Variants in NRG1 observed in about 807,000 individuals in gnomAD.
NRG1 encodes pro-neuregulin-1, membrane-bound isoform.
NRG1 carries 18 observed loss-of-function variants against 63.8 expected under a neutral mutation model. The observed-to-expected ratio is 0.28, with a 90% CI of 0.19 to 0.42. The LOEUF (loss-of-function observed/expected upper bound fraction) is 0.42. Ranked by LOEUF, NRG1 falls within the 10% of genes least tolerant of loss-of-function variation. The pLI is 1.00. For missense variants in NRG1, 762 were observed against 814.7 expected (o/e 0.94, Z 0.79); for synonymous variants, 302 against 301.3 (o/e 1.00, Z -0.02).
intron 1 of NRG1, among the ~76,000 whole-genome samples, chr8:31,939,848 T>C (rs984099929): frequency 1.3e-5 from 2 of 152,150 alleles, no homozygotes; most frequent in Non-Finnish European, 2.9e-5. Context: ...TTAAAGGGAT[T>C]AGTCTGGCAG....
chr8:31,758,168 T>C (rs560934843), intron 1 of NRG1, among the ~76,000 whole-genome samples: 48 of 152,224 alleles, frequency 3.2e-4, no homozygotes, highest in African/African-American at 8.2e-4. Flanking sequence ...CATCAACCTG[T>C]CAACTACATT....
At chr8:32,511,981 G>T (rs531117918) in intron 1 of NRG1, among the ~76,000 whole-genome samples, 1 of 152,256 alleles carries the variant, frequency 6.6e-6, no homozygotes, top group East Asian at 1.9e-4. Context: ...CATTGTGCTG[G>T]TCTCTTTCCT....
intron 1 of NRG1, among the ~76,000 whole-genome samples, chr8:32,379,350 G>A (rs2129483251): frequency 6.6e-6 from 1 of 152,214 alleles, no homozygotes; most frequent in Admixed American, 6.5e-5. Flanking sequence ...TAGCCCTTGA[G>A]GACTCCCTGG....
At chr8:32,011,272 G>A (rs566231278) in intron 1 of NRG1, among the ~76,000 whole-genome samples, 1 of 152,192 alleles carries the variant, frequency 6.6e-6, no homozygotes, top group South Asian at 2.1e-4. Context: ...AAACATTCAA[G>A]TATTAGGTTT....
chr8:32,735,865 C>T (rs1051612208), intron 6 of NRG1, among the ~76,000 whole-genome samples: 1 of 152,128 alleles, frequency 6.6e-6, no homozygotes, highest in Non-Finnish European at 1.5e-5. Context: ...ATGTCCTGGA[C>T]ATTGAAAAAC....
At chr8:31,707,642 C>T (rs966743624) in intron 1 of NRG1, among the ~76,000 whole-genome samples, 2 of 151,934 alleles carry the variant, frequency 1.3e-5, no homozygotes, top group Non-Finnish European at 2.9e-5. Flanking sequence ...GTGTAATTCC[C>T]TTTGTTTCCT....
At chr8:31,832,913 A>G (rs1314980302) in intron 1 of NRG1, among the ~76,000 whole-genome samples, 1 of 152,142 alleles carries the variant, frequency 6.6e-6, no homozygotes, top group Non-Finnish European at 1.5e-5. Flanking sequence ...TTGTTAATGA[A>G]CATTCTTTGA....
At chr8:32,058,316 C>T (rs992269946) in intron 1 of NRG1, among the ~76,000 whole-genome samples, 1 of 152,012 alleles carries the variant, frequency 6.6e-6, no homozygotes, top group African/African-American at 2.4e-5. Context: ...AAAAGTTATA[C>T]ATAGCCTATA....
chr8:31,695,871 T>A (rs1810011474), intron 1 of NRG1, among the ~76,000 whole-genome samples: 1 of 151,910 alleles, frequency 6.6e-6, no homozygotes, highest in Admixed American at 6.6e-5. Context: ...ATATGAGAAA[T>A]ATAAGAAGCT....
intron 1 of NRG1, among the ~76,000 whole-genome samples, chr8:32,102,403 G>T (rs780630276): frequency 1.8e-4 from 27 of 152,156 alleles, no homozygotes; most frequent in Non-Finnish European, 3.5e-4. Flanking sequence ...ATCCCAGAGT[G>T]CTGGGATTAC....
At chr8:32,703,416 T>C (rs940854360) in intron 5 of NRG1, among the ~76,000 whole-genome samples, 15 of 99,438 alleles carry the variant, frequency 1.5e-4, no homozygotes, top group African/African-American at 5.8e-4. Flanking sequence ...ATCTCACTAA[T>C]GATGTTTTTT....
At chr8:31,838,390 C>T (rs1825879413) in intron 1 of NRG1, among the ~76,000 whole-genome samples, 1 of 152,014 alleles carries the variant, frequency 6.6e-6, no homozygotes, top group Admixed American at 6.6e-5. Context: ...TCTCTCATTG[C>T]TGCATTTCTT....
At chr8:32,412,453 CATATATATATATATAT>C (rs368054524) in intron 1 of NRG1, among the ~76,000 whole-genome samples, 8 of 76,750 alleles carry the variant, frequency 1.0e-4, no homozygotes, top group Admixed American at 1.7e-4. Context: ...TATATATATA[CATATATATATATATAT>C]ATATATGAAC....
chr8:32,341,922 C>T (rs7841457), intron 1 of NRG1, among the ~76,000 whole-genome samples: 78,941 of 151,890 alleles, frequency 0.52, 21,391 homozygotes, highest in Non-Finnish European at 0.61. Context: ...AGGACCTATT[C>T]GAGTGAATGT....
intron 5 of NRG1, among the ~76,000 whole-genome samples, chr8:32,636,814 A>C (rs893493954): frequency 1.3e-5 from 2 of 152,184 alleles, no homozygotes; most frequent in African/African-American, 4.8e-5. Context: ...AATTATATGA[A>C]TCTTTTACCC....
chr8:32,439,738 A>G (rs1819274726), intron 1 of NRG1, among the ~76,000 whole-genome samples: 1 of 151,590 alleles, frequency 6.6e-6, no homozygotes, highest in Non-Finnish European at 1.5e-5. Context: ...TAGAGCAAAA[A>G]TTATAATTAA....
chr8:31,949,141 G>C (rs889653185), intron 1 of NRG1, among the ~76,000 whole-genome samples: 4 of 152,160 alleles, frequency 2.6e-5, no homozygotes, highest in Admixed American at 6.5e-5. Context: ...ATTTTGAGTA[G>C]TTACTGTGTC....
rs1024890237 is a variant in NRG1 at position 32,728,398 on chromosome 8, G to A, written c.632+320G>A. The A allele has an allele frequency of 4.1e-6, 4 of 985,068 alleles. No individual in the cohort carries two copies. In the African/African-American group the frequency reaches 5.2e-5, roughly 13 times the overall value. 61.0% of individuals were successfully genotyped at this position (985,068 alleles called of 1,614,324 possible). A position where few individuals can be genotyped will look rare whatever the true frequency, so the allele number is the denominator to read the frequency against. ...AGAAAAGATGTGCAGATATCACAGA[G>A]GCCTATAACTTTTGGTATCTACTTC... On this transcript the variant is annotated intron_variant, in intron 6 of 11. Transcript: ENST00000356819.
chr8:32,014,716 C>T (rs1339930986), intron 1 of NRG1, among the ~76,000 whole-genome samples: 1 of 140,412 alleles, frequency 7.1e-6, no homozygotes, highest in South Asian at 2.2e-4. Context: ...AGCCCCCCAA[C>T]CCCCCCCCAA....
Sources: allele counts gnomAD v4.1 joint callset (sites outside exome capture counted in the v4.1 genomes callset), GRCh38; gene constraint gnomAD v4.1.1; transcripts MANE v1.5; gene names NCBI Gene and HGNC (gene_info 2026-07-23, HGNC 2026-07-21).